Variants in RBFOX1 observed in about 807,000 individuals in gnomAD.
The protein encoded by RBFOX1 is RNA binding protein fox-1 homolog 1.
Under a neutral mutation model 57.7 loss-of-function variants are expected in RBFOX1, and 8 were observed. The observed-to-expected ratio is 0.14, with a 90% CI of 0.08 to 0.25. The LOEUF (loss-of-function observed/expected upper bound fraction) is 0.25, where lower values mean the gene tolerates loss of function less well. Among genes scored for constraint, RBFOX1 ranks in the 10% least tolerant of loss-of-function variants. RBFOX1 has a pLI of 1.00. For missense variants in RBFOX1, 611 were observed against 548.5 expected, an observed-to-expected ratio of 1.11 and a Z score of -1.14; for synonymous variants, 326 against 222.4, an observed-to-expected ratio of 1.47 and a Z score of -4.15.
intron 3 of RBFOX1, among the ~76,000 whole-genome samples, chr16:5,727,721 C>A (rs2052205824): frequency 6.6e-6 from 1 of 152,162 alleles, no homozygotes; most frequent in South Asian, 2.1e-4. Flanking sequence ...CAAGGTCTTA[C>A]CTTGTCACCC....
intron 14 of RBFOX1, among the ~76,000 whole-genome samples, chr16:7,688,160 G>A (rs1420017997): frequency 6.6e-6 from 1 of 151,402 alleles, no homozygotes; most frequent in Non-Finnish European, 1.5e-5. Flanking sequence ...CCATCTACCA[G>A]GCCAGAAGAC....
chr16:7,177,959 G>C (rs1441283173), intron 4 of RBFOX1, among the ~76,000 whole-genome samples: 2 of 152,206 alleles, frequency 1.3e-5, no homozygotes, highest in African/African-American at 2.4e-5. Flanking sequence ...CTGGAGAGCA[G>C]ACACAACATG....
At chr16:6,644,732 G>A (rs1422950217) in intron 2 of RBFOX1, among the ~76,000 whole-genome samples, 1 of 152,134 alleles carries the variant, frequency 6.6e-6, no homozygotes, top group African/African-American at 2.4e-5. Context: ...GCTGTATTGT[G>A]GAAACACCTG....
At chr16:6,450,829 A>ATATGTG (rs2094595755) in intron 2 of RBFOX1, among the ~76,000 whole-genome samples, 1 of 38,420 alleles carries the variant, frequency 2.6e-5, no homozygotes, top group Non-Finnish European at 4.5e-5. Flanking sequence ...ATATATATAT[A>ATATGTG]TATATATGTG....
intron 3 of RBFOX1, among the ~76,000 whole-genome samples, chr16:5,837,111 C>T (rs1487700035): frequency 6.6e-6 from 1 of 152,064 alleles, no homozygotes; most frequent in African/African-American, 2.4e-5. Context: ...GCCTCCTTTC[C>T]CAACCCTCAG....
At chr16:5,588,969 C>T (rs1261344416) in intron 2 of RBFOX1, among the ~76,000 whole-genome samples, 1 of 152,142 alleles carries the variant, frequency 6.6e-6, no homozygotes, top group Non-Finnish European at 1.5e-5. Flanking sequence ...TGGTTTGGGG[C>T]TGCCTAGATG....
At chr16:7,048,309 G>C (rs1031201504) in intron 3 of RBFOX1, among the ~76,000 whole-genome samples, 8 of 151,998 alleles carry the variant, frequency 5.3e-5, no homozygotes, top group Admixed American at 2.6e-4. Flanking sequence ...TCCCAGGCTA[G>C]AGTGCAGTGG....
intron 2 of RBFOX1, among the ~76,000 whole-genome samples, chr16:6,381,414 C>T (rs1279359015): frequency 6.6e-6 from 1 of 152,080 alleles, no homozygotes; most frequent in African/African-American, 2.4e-5. Context: ...CCAGTTATAA[C>T]TAGAGATATG....
chr16:7,267,583 G>A (rs900839690), intron 4 of RBFOX1, among the ~76,000 whole-genome samples: 5 of 150,982 alleles, frequency 3.3e-5, no homozygotes, highest in East Asian at 2.0e-4. Context: ...AGCCGAGCAC[G>A]ATGGCTCATG....
intron 2 of RBFOX1, among the ~76,000 whole-genome samples, chr16:6,565,837 T>C (rs2097257945): frequency 6.6e-6 from 1 of 152,220 alleles, no homozygotes; most frequent in South Asian, 2.1e-4. Flanking sequence ...AGCAGCTATG[T>C]GAGGCTATCA....
At chr16:6,653,654 T>G (rs2098618879) in intron 2 of RBFOX1, among the ~76,000 whole-genome samples, 1 of 149,496 alleles carries the variant, frequency 6.7e-6, no homozygotes, top group Admixed American at 6.7e-5. Flanking sequence ...GATGGATGGA[T>G]GAATGGGTGG....
intron 3 of RBFOX1, among the ~76,000 whole-genome samples, chr16:5,693,998 T>C (rs907805840): frequency 1.3e-5 from 2 of 152,200 alleles, no homozygotes; most frequent in Non-Finnish European, 1.5e-5. Flanking sequence ...TGCTAGCATC[T>C]AGCACACAGC....
chr16:6,791,315 T>C (rs1305579052), intron 3 of RBFOX1, among the ~76,000 whole-genome samples: 1 of 152,216 alleles, frequency 6.6e-6, no homozygotes, highest in Non-Finnish European at 1.5e-5. Context: ...TCATTATATA[T>C]GATTAGTTAT....
At chr16:7,274,590 A>G (rs2095404802) in intron 4 of RBFOX1, among the ~76,000 whole-genome samples, 2 of 152,254 alleles carry the variant, frequency 1.3e-5, no homozygotes, top group South Asian at 2.1e-4. Context: ...AACTAGGTCT[A>G]CTTATGGGCC....
chr16:5,736,388 G>A (rs13339202), intron 3 of RBFOX1, among the ~76,000 whole-genome samples: 29,744 of 151,966 alleles, frequency 0.2, 3,405 homozygotes, highest in East Asian at 0.42. Context: ...CACCCGAGTA[G>A]CACTGGGTGT....
intron 3 of RBFOX1, among the ~76,000 whole-genome samples, chr16:6,923,629 G>A (rs186514702): frequency 3.6e-4 from 55 of 152,274 alleles, no homozygotes; most frequent in Non-Finnish European, 8.8e-5. Flanking sequence ...GAGTGAATCA[G>A]CAGGGGAGCA....
chr16:5,599,715 C>T (rs8059682), exon 3 of RBFOX1: 5,434 of 154,064 alleles, frequency 0.035, 323 homozygotes, highest in African/African-American at 0.12. Flanking sequence ...CCGTTAATGG[C>T]AGTGGTATGA....
chr16:6,042,074 A>G (rs1596615371), intron 1 of RBFOX1, among the ~76,000 whole-genome samples: 1 of 149,074 alleles, frequency 6.7e-6, no homozygotes, highest in African/African-American at 2.5e-5. Context: ...GGTCATCTCC[A>G]CAGTCTCATC....
chr16:7,570,191 C>A (rs2092631116), intron 5 of RBFOX1, among the ~76,000 whole-genome samples: 1 of 145,080 alleles, frequency 6.9e-6, no homozygotes, highest in Non-Finnish European at 1.5e-5. Context: ...AAAGTGACTT[C>A]TAAGAATTCT....
Sources: allele counts gnomAD v4.1 joint callset (sites outside exome capture counted in the v4.1 genomes callset), GRCh38; gene constraint gnomAD v4.1.1; transcripts MANE v1.5; gene names NCBI Gene and HGNC (gene_info 2026-07-23, HGNC 2026-07-21).